The following TTC28 variants were observed in gnomAD, a reference collection of about 807,000 sequenced individuals.
TTC28 encodes the protein tetratricopeptide repeat protein 28.
Under a neutral mutation model 198.0 loss-of-function variants are expected in TTC28, and 61 were observed. That is an observed-to-expected ratio of 0.31 (90% CI 0.25 to 0.38). The LOEUF (loss-of-function observed/expected upper bound fraction) is 0.38. TTC28 is among the 10% of genes least tolerant of loss of function. The pLI is 1.00. For missense variants in TTC28, 2,678 were observed against 3,164.0 expected (o/e 0.85, Z 3.69); for synonymous variants, 1,171 against 1,297.8 (o/e 0.90, Z 2.10).
At chr22:27,992,738 A>G in intron 18 of TTC28, 75 bp from the exon 19 acceptor site, 1 of 1,410,248 alleles carries the variant, frequency 7.1e-7, no homozygotes, top group Non-Finnish European at 9.7e-7. Flanking sequence ...TCCCAGGGGA[A>G]AGAACCCTAA....
chr22:28,662,674 CA>C (rs1335535478), intron 1 of TTC28, among the ~76,000 whole-genome samples: 2 of 152,166 alleles, frequency 1.3e-5, no homozygotes, highest in Admixed American at 1.3e-4. Context: ...ATGGTTCTTC[CA>C]AATAAGCCTA....
rs937474970 is a variant in TTC28, at chr22:27,998,885, C to T, written c.4774G>A (p.Gly1592Arg). The T allele has an allele frequency of 8.4e-6, 13 of 1,550,238 alleles. No individual in the cohort carries two copies. Among genetic ancestry groups the T allele is most frequent in the Non-Finnish European group, 1.0e-5 (12 of 1,146,958 alleles). Reference sequence around the variant, plus strand: ...GGCGGGCAGTCCGAGATGCTCTCCCCATCACTGGCATCGTCCTGCACCCGC... The same window carrying T: ...GGCGGGCAGTCCGAGATGCTCTCCCTATCACTGGCATCGTCCTGCACCCGC... ...SLRVQDDASD[G>R]ESISDCPPLQ... The change falls in exon 16 of 23, where the codon GGG becomes AGG. Residue 1592 changes from glycine (G) to arginine (R), a missense_variant. By Grantham distance (125) the Gly-to-Arg change is moderately radical (BLOSUM62 -2). Coordinates refer to ENST00000397906, the MANE Select transcript of TTC28 (RefSeq NM_001145418.2).
At chr22:27,991,203 G>T (rs8135718) in intron 19 of TTC28, among the ~76,000 whole-genome samples, 3 of 152,194 alleles carry the variant, frequency 2.0e-5, no homozygotes, top group African/African-American at 4.8e-5. Flanking sequence ...TGTCCCTAGG[G>T]CCCAACAGCG....
At chr22:28,555,986 A>C (rs1056446969) in intron 2 of TTC28, among the ~76,000 whole-genome samples, 1 of 151,714 alleles carries the variant, frequency 6.6e-6, no homozygotes, top group Non-Finnish European at 1.5e-5. Flanking sequence ...TTCTGAGATC[A>C]TTTTCCTTCG....
chr22:28,029,257 C>T, intron 13 of TTC28: 1 of 386,646 alleles, frequency 2.6e-6, no homozygotes, highest in South Asian at 2.0e-5. Context: ...TCCCTTCCCA[C>T]TCAACTCAGC....
chr22:28,590,176 G>A (rs568631021), intron 2 of TTC28, among the ~76,000 whole-genome samples: 1 of 144,106 alleles, frequency 6.9e-6, no homozygotes, highest in Non-Finnish European at 1.5e-5. Flanking sequence ...CGCCCAGGCT[G>A]GAGTGCAGCG....
chr22:28,576,378 T>C (rs1268308595), intron 2 of TTC28, among the ~76,000 whole-genome samples: 1 of 152,114 alleles, frequency 6.6e-6, no homozygotes, highest in Admixed American at 6.6e-5. Flanking sequence ...TTGCATTCGG[T>C]TTGCAAGTAT....
intron 12 of TTC28, among the ~76,000 whole-genome samples, chr22:28,039,161 C>G (rs1336808787): frequency 2.0e-5 from 3 of 152,134 alleles, no homozygotes; most frequent in Admixed American, 1.3e-4. Flanking sequence ...CCAGCCATCC[C>G]ATTACTGGGT....
intron 2 of TTC28, among the ~76,000 whole-genome samples, chr22:28,405,820 T>C (rs1264964964): frequency 2.0e-5 from 3 of 152,238 alleles, no homozygotes; most frequent in Non-Finnish European, 4.4e-5. Flanking sequence ...TACCCAGAAG[T>C]TACCACCCCC....
At chr22:28,624,342 C>T (rs776760213) in intron 2 of TTC28, among the ~76,000 whole-genome samples, 2 of 151,714 alleles carry the variant, frequency 1.3e-5, no homozygotes, top group South Asian at 4.2e-4. Flanking sequence ...CACACCACTG[C>T]ACTCCAGACT....
intron 2 of TTC28, among the ~76,000 whole-genome samples, chr22:28,325,577 T>G (rs1373547429): frequency 1.3e-5 from 2 of 152,140 alleles, no homozygotes; most frequent in African/African-American, 2.4e-5. Flanking sequence ...AAGAAAATAT[T>G]TGCAAAATAC....
intron 2 of TTC28, among the ~76,000 whole-genome samples, chr22:28,554,819 C>A (rs891504313): frequency 6.6e-6 from 1 of 151,854 alleles, no homozygotes; most frequent in Non-Finnish European, 1.5e-5. Flanking sequence ...TGCTGTGAGC[C>A]GAGATTGTAC....
chr22:28,479,451 C>T (rs2048215119), intron 2 of TTC28, among the ~76,000 whole-genome samples: 1 of 152,058 alleles, frequency 6.6e-6, no homozygotes, highest in African/African-American at 2.4e-5. Context: ...ATGTCTTTTC[C>T]TTGGGATTAT....
At chr22:28,318,726 T>G (rs913352488) in intron 2 of TTC28, among the ~76,000 whole-genome samples, 14 of 152,092 alleles carry the variant, frequency 9.2e-5, no homozygotes, top group African/African-American at 3.4e-4. Flanking sequence ...GTTTTTTCAT[T>G]TTGATACACG....
At chr22:28,643,833 A>C (rs2051409574) in intron 1 of TTC28, among the ~76,000 whole-genome samples, 2 of 152,212 alleles carry the variant, frequency 1.3e-5, no homozygotes, top group Non-Finnish European at 2.9e-5. Flanking sequence ...TTGAGCACTT[A>C]ATATGCCCCT....
intron 12 of TTC28, among the ~76,000 whole-genome samples, chr22:28,071,009 T>C (rs923289797): frequency 6.6e-6 from 1 of 152,082 alleles, no homozygotes; most frequent in Non-Finnish European, 1.5e-5. Flanking sequence ...AAAGCCTCTA[T>C]GAGTAACACA....
At chr22:28,586,904 A>G (rs897776810) in intron 2 of TTC28, among the ~76,000 whole-genome samples, 1 of 152,220 alleles carries the variant, frequency 6.6e-6, no homozygotes, top group African/African-American at 2.4e-5. Flanking sequence ...CTTATTACAA[A>G]TCAGAGAAAA....
intron 2 of TTC28, among the ~76,000 whole-genome samples, chr22:28,384,115 C>T (rs1466818272): frequency 6.6e-6 from 1 of 152,200 alleles, no homozygotes; most frequent in Non-Finnish European, 1.5e-5. Flanking sequence ...AGCCACATGG[C>T]TTTTTCCCTT....
At chr22:28,578,821 G>A (rs2050188696) in intron 2 of TTC28, among the ~76,000 whole-genome samples, 1 of 152,064 alleles carries the variant, frequency 6.6e-6, no homozygotes, top group African/African-American at 2.4e-5. Flanking sequence ...ACACGGGGCA[G>A]AACTCAGCCA....
Sources: gnomAD v4.1 joint callset for allele counts (sites outside exome capture counted in the v4.1 genomes callset) on GRCh38, gnomAD v4.1.1 for gene constraint, MANE v1.5 for transcripts, NCBI Gene and HGNC (gene_info 2026-07-23, HGNC 2026-07-21) for gene names.